The following LEF1 variants were observed in gnomAD, a reference collection of about 807,000 sequenced individuals.
The protein encoded by LEF1 is lymphoid enhancer binding factor 1.
A neutral mutation model predicts 51.2 loss-of-function variants in LEF1; 14 were observed. The ratio of observed to expected loss-of-function variants is 0.27; its 90% confidence interval spans 0.18 to 0.43. LEF1 has a LOEUF of 0.43. Among genes scored for constraint, LEF1 ranks in the 20% least tolerant of loss-of-function variants. The probability of loss-of-function intolerance (pLI) is 1.00; values close to 1 mark genes in which losing one functional copy is unlikely to be tolerated. For synonymous variants in LEF1, 185 were observed against 183.2 expected (o/e 1.01, Z -0.08); for missense variants, 386 against 512.0 (o/e 0.75, Z 2.37).
chr4:108,053,129 G>A (rs746638779), intron 11 of LEF1, among the ~76,000 whole-genome samples: 3 of 152,128 alleles, frequency 2.0e-5, no homozygotes, highest in Non-Finnish European at 2.9e-5. Context: ...CTGTATCCTG[G>A]TGGAGGCAGT....
chr4:108,083,185 GTA>G (rs1242420222), intron 5 of LEF1, 169 bp downstream of exon 5: 1 of 622,006 alleles, frequency 1.6e-6, no homozygotes, highest in Non-Finnish European at 2.9e-6. Flanking sequence ...TTCAAAGTCT[GTA>G]TGTTTTTTAA....
At chr4:108,161,045 T>C (rs1325473000) in intron 3 of LEF1, among the ~76,000 whole-genome samples, 4 of 152,210 alleles carry the variant, frequency 2.6e-5, no homozygotes, top group African/African-American at 9.6e-5. Flanking sequence ...ACCATGCTCC[T>C]GACACCCTAG....
chr4:108,101,596 A>G (rs1287263864), intron 3 of LEF1, among the ~76,000 whole-genome samples: 2 of 152,226 alleles, frequency 1.3e-5, no homozygotes, highest in Admixed American at 1.3e-4. Context: ...AGGAGTGGGT[A>G]GGCAAGTTCC....
chr4:108,132,659 C>CTTTTTTTGTTTTTTTTTTTTTTT (rs1742970778), intron 3 of LEF1, among the ~76,000 whole-genome samples: 1 of 47,438 alleles, frequency 2.1e-5, no homozygotes, highest in African/African-American at 8.2e-5. Context: ...GAAAATCTGC[C>CTTTTTTTGTTTTTTTTTTTTTTT]TTTTTTTTTT....
intron 11 of LEF1, among the ~76,000 whole-genome samples, chr4:108,053,610 A>G (rs1279248163): frequency 6.6e-6 from 1 of 152,172 alleles, no homozygotes. Context: ...TGTGACCGTT[A>G]ATGAATTACT....
intron 3 of LEF1, among the ~76,000 whole-genome samples, chr4:108,117,026 TCA>T (rs1741883401): frequency 6.6e-6 from 1 of 152,252 alleles, no homozygotes; most frequent in African/African-American, 2.4e-5. Flanking sequence ...CAATTCACAT[TCA>T]CACATCCTCT....
At chr4:108,149,929 C>A (rs1744263048) in intron 3 of LEF1, among the ~76,000 whole-genome samples, 1 of 150,202 alleles carries the variant, frequency 6.7e-6, no homozygotes, top group African/African-American at 2.4e-5. Flanking sequence ...CATGGGTTTT[C>A]CCCCGTTTTT....
chr4:108,158,751 T>C (rs974718363), intron 3 of LEF1, among the ~76,000 whole-genome samples: 2 of 151,866 alleles, frequency 1.3e-5, no homozygotes, highest in African/African-American at 4.8e-5. Flanking sequence ...CGCTACAAAA[T>C]TGATATTATA....
intron 3 of LEF1, among the ~76,000 whole-genome samples, chr4:108,106,691 C>T (rs1049926092): frequency 6.6e-6 from 1 of 152,174 alleles, no homozygotes; most frequent in African/African-American, 2.4e-5. Flanking sequence ...TCCGAGCCAT[C>T]CCATAGCTCC....
At chr4:108,163,034 C>T (rs937771157) in intron 3 of LEF1, among the ~76,000 whole-genome samples, 1 of 151,978 alleles carries the variant, frequency 6.6e-6, no homozygotes, top group Admixed American at 6.6e-5. Context: ...TTGAGTGATG[C>T]TTTCTCAACA....
chr4:108,086,276 GA>G (rs1235047235), intron 4 of LEF1, among the ~76,000 whole-genome samples: 1 of 151,936 alleles, frequency 6.6e-6, no homozygotes, highest in African/African-American at 2.4e-5. Context: ...TTTTAGAGCT[GA>G]GGGGGTCTCA....
chr4:108,109,794 T>C (rs189723647), intron 3 of LEF1, among the ~76,000 whole-genome samples: 1 of 152,256 alleles, frequency 6.6e-6, no homozygotes, highest in South Asian at 2.1e-4. Context: ...ATGGTTTTTT[T>C]AATCCAGAGA....
At chr4:108,120,982 GTCAA>G (rs1005259166) in intron 3 of LEF1, among the ~76,000 whole-genome samples, 1 of 152,200 alleles carries the variant, frequency 6.6e-6, no homozygotes, top group African/African-American at 2.4e-5. Context: ...CAGCTGACCT[GTCAA>G]TCATTCTGCA....
At chr4:108,076,704 T>C (rs1738886233) in intron 8 of LEF1, among the ~76,000 whole-genome samples, 1 of 152,144 alleles carries the variant, frequency 6.6e-6, no homozygotes, top group Non-Finnish European at 1.5e-5. Context: ...TCAGCAATTA[T>C]TACCTAATCT....
intron 3 of LEF1, among the ~76,000 whole-genome samples, chr4:108,136,224 A>C (rs1461671061): frequency 1.3e-5 from 2 of 152,256 alleles, no homozygotes; most frequent in Admixed American, 1.3e-4. Context: ...AGTTCCATAA[A>C]GAACCTGCAC....
intron 3 of LEF1, among the ~76,000 whole-genome samples, chr4:108,107,259 G>C (rs909719142): frequency 6.6e-6 from 1 of 150,806 alleles, no homozygotes; most frequent in Non-Finnish European, 1.5e-5. Context: ...GAGAGACAGA[G>C]AAAGGTGTTT....
At chr4:108,081,495 T>C in intron 6 of LEF1, 91 bp downstream of exon 6, 2 of 996,762 alleles carry the variant, frequency 2.0e-6, no homozygotes, top group Non-Finnish European at 3.1e-6. Context: ...TGCACCCTCC[T>C]AGCCAACCAA....
chr4:108,091,834 C>G (rs1311349009), intron 3 of LEF1, among the ~76,000 whole-genome samples: 1 of 152,102 alleles, frequency 6.6e-6, no homozygotes, highest in Non-Finnish European at 1.5e-5. Context: ...AATGGAAACA[C>G]AAATCTCAAC....
intron 3 of LEF1, among the ~76,000 whole-genome samples, chr4:108,160,944 G>C (rs1383469255): frequency 1.3e-5 from 2 of 152,154 alleles, no homozygotes; most frequent in African/African-American, 4.8e-5. Context: ...TTGGGAAGCA[G>C]ATGCAGTAAA....
Sources: gnomAD v4.1 joint callset for allele counts (sites outside exome capture counted in the v4.1 genomes callset) on GRCh38, gnomAD v4.1.1 for gene constraint, MANE v1.5 for transcripts, NCBI Gene and HGNC (gene_info 2026-07-23, HGNC 2026-07-21) for gene names.